Variants in JHY observed in about 807,000 individuals in gnomAD.
JHY encodes jhy protein homolog.
Under a neutral mutation model 78.0 loss-of-function variants are expected in JHY, and 69 were observed. The observed-to-expected ratio is 0.88, with a 90% CI of 0.73 to 1.08. The LOEUF (loss-of-function observed/expected upper bound fraction) is 1.08, where lower values mean the gene tolerates loss of function less well. Ranked by LOEUF, JHY falls within the 50% of genes least tolerant of loss-of-function variation. The pLI, the probability that JHY is intolerant of heterozygous loss-of-function variation, is 0.00. For synonymous variants in JHY, 368 were observed against 342.6 expected, an observed-to-expected ratio of 1.07 and a Z score of -0.82; for missense variants, 944 against 927.8, an observed-to-expected ratio of 1.02 and a Z score of -0.23.
At chr11:122,941,504 A>G (rs1413577635) in intron 5 of JHY, among the ~76,000 whole-genome samples, 3 of 152,208 alleles carry the variant, frequency 2.0e-5, no homozygotes, top group East Asian at 1.9e-4. Flanking sequence ...ACCACTACCA[A>G]ACAGTCAGTC....
Position 122,903,976 on chromosome 11 carries a change from G to C in JHY, c.396G>C (p.Trp132Cys). Residue 132 changes from tryptophan (W) to cysteine (C), a missense_variant, in exon 3 of 9, where the codon TGG becomes TGC. Coordinates refer to ENST00000227349, the MANE Select transcript of JHY (RefSeq NM_024806.4). ...CAGACCTCCGCTATGACCCGAACTG[G>C]AAGAGTAAGAAGGAGGAAGGGCAGC... ...KYSDLRYDPN[W>C]KSKKEEGQLL... 4 of 1,613,304 alleles carry C rather than the reference G, an allele frequency of 2.5e-6. No homozygotes were observed. Among genetic ancestry groups the C allele is most frequent in the Non-Finnish European group, 3.4e-6 (4 of 1,179,398 alleles).
At chr11:122,910,055 T>C (rs1341283143) in intron 3 of JHY, among the ~76,000 whole-genome samples, 1 of 152,012 alleles carries the variant, frequency 6.6e-6, no homozygotes, top group Non-Finnish European at 1.5e-5. Context: ...AAATAAGTTA[T>C]GGTACATCCA....
intron 2 of JHY, among the ~76,000 whole-genome samples, chr11:122,899,809 G>A (rs376896571): frequency 5.9e-5 from 9 of 152,218 alleles, no homozygotes; most frequent in African/African-American, 2.2e-4. Flanking sequence ...CCGATTTATA[G>A]ATGAGAAAAA....
chr11:122,935,928 G>C lies in JHY; in HGVS notation c.1634+853G>C, dbSNP rs551959504. Among the ~76,000 whole-genome samples the C allele has an allele frequency of 2.4e-4, 36 of 152,250 alleles. No homozygotes were observed. In the South Asian group the frequency reaches 6.8e-3, roughly 29 times the overall value. On this transcript the variant is annotated intron_variant, in intron 5 of 8. Transcript: ENST00000227349. This position sits in a 1 kb window ranked among gnomAD's most constrained non-coding sequence, Gnocchi z 4.5. ...ATTACACCTTGGGTTGAATGACACT[G>C]GTAGAAGAAAAAGTACATCTAAGGA...
chr11:122,897,989 A>G (rs955472976), intron 2 of JHY, among the ~76,000 whole-genome samples: 9 of 152,232 alleles, frequency 5.9e-5, no homozygotes, highest in Non-Finnish European at 1.0e-4. Flanking sequence ...ACTTTGTGAT[A>G]TCATCTAGCA....
At chr11:122,944,766 A>G (rs1268055087) in intron 5 of JHY, among the ~76,000 whole-genome samples, 2 of 152,166 alleles carry the variant, frequency 1.3e-5, no homozygotes, top group South Asian at 2.1e-4. Context: ...ACTATTTTGA[A>G]TTATAGTTTA....
chr11:122,889,801 C>T (rs1862570727), intron 2 of JHY, among the ~76,000 whole-genome samples: 1 of 152,168 alleles, frequency 6.6e-6, no homozygotes, highest in African/African-American at 2.4e-5. Context: ...CTCTGTTGCC[C>T]AGGCTAGAGT....
intron 8 of JHY, chr11:122,958,909 G>A (rs935499955): frequency 1.0e-6 from 1 of 984,932 alleles, no homozygotes; most frequent in African/African-American, 1.7e-5. Context: ...CTCCTTAATA[G>A]AAGTTTGGTT....
intron 2 of JHY, among the ~76,000 whole-genome samples, chr11:122,889,936 G>C (rs1029586193): frequency 6.6e-6 from 1 of 151,990 alleles, no homozygotes; most frequent in African/African-American, 2.4e-5. Flanking sequence ...TAGTAGAGAT[G>C]GGGTCTTACC....
In JHY at chr11:122,914,514, C is replaced by T. The variant is rs111712531; in HGVS notation, c.864+10070C>T. 5.1e-3 allele frequency among the ~76,000 whole-genome samples: 773 copies of T among 152,024 alleles called. 1 individual carries two copies. The highest frequency in any genetic ancestry group is 7.3e-3 in the Non-Finnish European group (494 of 67,952). ...GGCTGGAGTGCAGTGATGCGATCTCCGCTCACTGCAACTTCCGCTTCCCTG... is the reference window on the plus strand; with the variant it reads ...GGCTGGAGTGCAGTGATGCGATCTCTGCTCACTGCAACTTCCGCTTCCCTG... On this transcript the variant is annotated intron_variant, in intron 3 of 8. Transcript: ENST00000227349.
chr11:122,920,104 G>A (rs1863329566), intron 3 of JHY, among the ~76,000 whole-genome samples: 1 of 152,182 alleles, frequency 6.6e-6, no homozygotes, highest in Admixed American at 6.5e-5. Flanking sequence ...CTAAACACAG[G>A]CAGCAGCAGT....
At position 122,885,855 on chromosome 11, in the gene JHY, T is replaced by C. The variant is rs1443616900; in HGVS notation, c.6T>C (p.Ser2=). The C allele has an allele frequency of 6.2e-7, 1 of 1,602,242 alleles. No homozygotes were observed. Among genetic ancestry groups the C allele is most frequent in the African/African-American group, 1.3e-5 (1 of 74,598 alleles). ...AATTTTTTGCATTTTTCAAGATGAGTAAACGTAAACTAATTCCCAAGCTCT... is the reference window on the plus strand; with the variant it reads ...AATTTTTTGCATTTTTCAAGATGAGCAAACGTAAACTAATTCCCAAGCTCT... M[S]KRKLIPKLSI... is the part of the protein sequence containing the mutation. Residue 2 remains serine (S), a synonymous_variant, in exon 2 of 9, where the codon AGT becomes AGC. Transcript: ENST00000227349.
At chr11:122,889,642 G>A (rs147725318) in intron 2 of JHY, among the ~76,000 whole-genome samples, 91 of 152,246 alleles carry the variant, frequency 6.0e-4, no homozygotes, top group Middle Eastern at 3.4e-3. Flanking sequence ...ATAACTGAGC[G>A]ATGATTATAC....
chr11:122,947,957 G>A (rs1864000546), intron 6 of JHY, among the ~76,000 whole-genome samples: 2 of 152,122 alleles, frequency 1.3e-5, no homozygotes, highest in Non-Finnish European at 1.5e-5. Context: ...CCCTGGGGAA[G>A]GGTGGTCACT....
intron 8 of JHY, 160 bp from the exon 9 acceptor site, chr11:122,959,088 G>T (rs535190948): frequency 2.1e-6 from 2 of 941,722 alleles, no homozygotes; most frequent in East Asian, 2.3e-4. Flanking sequence ...TGTTTAAACT[G>T]TGTGTTATAT....
chr11:122,947,810 C>T (rs1863997282), intron 6 of JHY, among the ~76,000 whole-genome samples: 1 of 152,056 alleles, frequency 6.6e-6, no homozygotes, highest in Non-Finnish European at 1.5e-5. Flanking sequence ...CGGGGCTGGG[C>T]AGAGATGGGC....
At chr11:122,911,904 T>TAA (rs1863134024) in intron 3 of JHY, among the ~76,000 whole-genome samples, 1 of 34,602 alleles carries the variant, frequency 2.9e-5, no homozygotes, top group African/African-American at 1.7e-4. Flanking sequence ...AAACTCTGTC[T>TAA]CAAAAAAAAA....
chr11:122,926,011 C>T (rs1412159218), intron 4 of JHY, among the ~76,000 whole-genome samples: 2 of 144,776 alleles, frequency 1.4e-5, no homozygotes, highest in African/African-American at 2.6e-5. Flanking sequence ...AGCAAGACTC[C>T]GTATCAAAAA....
intron 2 of JHY, among the ~76,000 whole-genome samples, chr11:122,897,985 T>C (rs3107622): frequency 0.96 from 145,627 of 152,296 alleles, 69,671 homozygotes; most frequent in Middle Eastern, 0.99. Flanking sequence ...ATGGACTTTG[T>C]GATATCATCT....
Sources: allele counts gnomAD v4.1 joint callset (sites outside exome capture counted in the v4.1 genomes callset), GRCh38; gene constraint gnomAD v4.1.1; non-coding constraint Gnocchi (gnomAD v3.1); transcripts MANE v1.5; gene names NCBI Gene and HGNC (gene_info 2026-07-23, HGNC 2026-07-21).